Variants in BFSP1 observed in about 807,000 individuals in gnomAD.
BFSP1 encodes filensin.
In BFSP1, 38 loss-of-function variants were observed where a neutral mutation model predicts 43.9. The observed-to-expected ratio is 0.87, with a 90% CI of 0.67 to 1.14. The LOEUF is 1.14. BFSP1 is among the 50% of genes most tolerant of loss of function. BFSP1 has a pLI of 0.00. For synonymous variants in BFSP1, 352 were observed against 354.8 expected (o/e 0.99, Z 0.09); for missense variants, 850 against 875.1 (o/e 0.97, Z 0.36).
upstream of BFSP1, chr20:17,531,517 T>A: frequency 2.2e-6 from 2 of 896,924 alleles, no homozygotes; most frequent in Non-Finnish European, 2.9e-6. Flanking sequence ...CGGCCCGCTT[T>A]GTGCGGCGGA....
intron 2 of BFSP1, 71 bp from the exon 3 acceptor site, chr20:17,514,887 G>A: frequency 7.3e-7 from 1 of 1,364,136 alleles, no homozygotes; most frequent in Non-Finnish European, 1.0e-6. Flanking sequence ...CCGGGTATAT[G>A]AGCACACAGA....
intron 3 of BFSP1, among the ~76,000 whole-genome samples, chr20:17,512,462 C>A (rs1255896732): frequency 6.6e-6 from 1 of 152,014 alleles, no homozygotes; most frequent in African/African-American, 2.4e-5. Flanking sequence ...CACACCTGTA[C>A]TCCCAGCACT....
intron 5 of BFSP1, among the ~76,000 whole-genome samples, chr20:17,505,645 C>T (rs1038840182): frequency 6.6e-6 from 1 of 152,240 alleles, no homozygotes; most frequent in Non-Finnish European, 1.5e-5. Flanking sequence ...CAGCAAAAAC[C>T]CAGCCACAAA....
chr20:17,553,834 TATACACATATATATAC>T (rs2034941106), intron 1 of BFSP1, among the ~76,000 whole-genome samples: 1 of 85,104 alleles, frequency 1.2e-5, no homozygotes, highest in Non-Finnish European at 2.1e-5. Flanking sequence ...CATATATATA[TATACACATATATATAC>T]ATATATATAC....
intron 4 of BFSP1, among the ~76,000 whole-genome samples, chr20:17,511,142 C>T (rs776620439): frequency 1.3e-5 from 2 of 152,116 alleles, no homozygotes; most frequent in African/African-American, 2.4e-5. Flanking sequence ...TCATGCTATG[C>T]ATCACAAAAT....
intron 5 of BFSP1, among the ~76,000 whole-genome samples, chr20:17,499,540 C>A (rs13043260): frequency 6.6e-6 from 1 of 151,666 alleles, no homozygotes; most frequent in African/African-American, 2.4e-5. Context: ...AGTCACCGCA[C>A]CCAGCCCTTC....
At chr20:17,500,937 C>G (rs1294590160) in intron 5 of BFSP1, among the ~76,000 whole-genome samples, 3 of 152,160 alleles carry the variant, frequency 2.0e-5, no homozygotes, top group Admixed American at 6.5e-5. Flanking sequence ...CTAGCGCAGC[C>G]CTTCTGGAAG....
chr20:17,535,971 C>CT (rs1364151228), upstream of BFSP1, among the ~76,000 whole-genome samples: 5 of 151,930 alleles, frequency 3.3e-5, no homozygotes. Flanking sequence ...AAAACAGGGT[C>CT]TTGCTATGTT....
At chr20:17,551,651 G>A (rs936262891) in intron 1 of BFSP1, among the ~76,000 whole-genome samples, 3 of 152,056 alleles carry the variant, frequency 2.0e-5, no homozygotes, top group African/African-American at 7.2e-5. Flanking sequence ...CCTACCCTGT[G>A]CCAACACTCT....
chr20:17,537,075 C>A (rs934378820), intron 1 of BFSP1, among the ~76,000 whole-genome samples: 5 of 152,144 alleles, frequency 3.3e-5, no homozygotes, highest in Admixed American at 1.3e-4. Flanking sequence ...GACTCTGCAC[C>A]TTTTACCATC....
upstream of BFSP1, among the ~76,000 whole-genome samples, chr20:17,560,110 G>T (rs915714939): frequency 6.6e-6 from 1 of 151,620 alleles, no homozygotes; most frequent in African/African-American, 2.4e-5. Context: ...TGCTACCCCC[G>T]AGAAGACAGG....
intron 5 of BFSP1, 67 bp from the exon 6 acceptor site, chr20:17,499,107 G>A: frequency 7.0e-7 from 1 of 1,433,590 alleles, no homozygotes; most frequent in Non-Finnish European, 9.8e-7. Context: ...ACCTCACCAG[G>A]AAAAGGAACC....
At chr20:17,551,271 G>C (rs1568716481) in intron 1 of BFSP1, among the ~76,000 whole-genome samples, 2 of 152,298 alleles carry the variant, frequency 1.3e-5, no homozygotes, top group South Asian at 2.1e-4. Flanking sequence ...ACTCATGGTA[G>C]AAGGCAAAGG....
chr20:17,553,156 G>A (rs943462459), intron 1 of BFSP1, among the ~76,000 whole-genome samples: 1 of 152,088 alleles, frequency 6.6e-6, no homozygotes, highest in Non-Finnish European at 1.5e-5. Context: ...TGGGATTCCG[G>A]AAGCCAAGTA....
chr20:17,533,051 C>A (rs1205317509), upstream of BFSP1, among the ~76,000 whole-genome samples: 1 of 152,088 alleles, frequency 6.6e-6, no homozygotes, highest in African/African-American at 2.4e-5. Flanking sequence ...TTTTCTTAAA[C>A]CATTTAAAAT....
At chr20:17,527,217 T>G (rs1316790377) in intron 1 of BFSP1, among the ~76,000 whole-genome samples, 1 of 152,250 alleles carries the variant, frequency 6.6e-6, no homozygotes. Context: ...TTTAGTAGTT[T>G]ATTTTGTGTG....
At chr20:17,566,590 T>G (rs1177562439) in intron 1 of BFSP1, among the ~76,000 whole-genome samples, 1 of 152,178 alleles carries the variant, frequency 6.6e-6, no homozygotes, top group Non-Finnish European at 1.5e-5. Flanking sequence ...GAGAGCCCAC[T>G]TCCTGGTTCA....
intron 5 of BFSP1, among the ~76,000 whole-genome samples, chr20:17,500,350 C>T (rs916845105): frequency 7.2e-5 from 11 of 152,252 alleles, no homozygotes; most frequent in African/African-American, 2.7e-4. Flanking sequence ...CATAACAGTA[C>T]TGCAGTCAAC....
chr20:17,497,636 A>ACATATATCTACT (rs2033687010), intron 6 of BFSP1, among the ~76,000 whole-genome samples: 1 of 143,720 alleles, frequency 7.0e-6, no homozygotes, highest in South Asian at 2.2e-4. Context: ...ACACATATAT[A>ACATATATCTACT]CATATATACA....
Sources: gnomAD v4.1 joint callset for allele counts (sites outside exome capture counted in the v4.1 genomes callset) on GRCh38, gnomAD v4.1.1 for gene constraint, MANE v1.5 for transcripts, NCBI Gene and HGNC (gene_info 2026-07-23, HGNC 2026-07-21) for gene names.